RCBTB2: variants seen among roughly 807,000 people sequenced by gnomAD.
The protein encoded by RCBTB2 is RCC1 and BTB domain-containing protein 2.
In RCBTB2, 55 loss-of-function variants were observed where a neutral mutation model predicts 65.4. That is an observed-to-expected ratio of 0.84 (90% CI 0.68 to 1.05). The LOEUF (loss-of-function observed/expected upper bound fraction) is 1.05. Ranked by LOEUF, RCBTB2 falls within the 50% of genes least tolerant of loss-of-function variation. RCBTB2 has a pLI of 0.00. For synonymous variants in RCBTB2, 220 were observed against 255.2 expected, an observed-to-expected ratio of 0.86 and a Z score of 1.31; for missense variants, 599 against 680.1, an observed-to-expected ratio of 0.88 and a Z score of 1.33.
chr13:48,504,267 C>T, intron 10 of RCBTB2: 3 of 985,384 alleles, frequency 3.0e-6, no homozygotes, highest in South Asian at 9.4e-5. Flanking sequence ...ACACCGTTCT[C>T]ATCAGAACTT....
chr13:48,503,001 G>A, intron 10 of RCBTB2, 87 bp from the exon 11 acceptor site: 5 of 1,338,414 alleles, frequency 3.7e-6, no homozygotes, highest in Non-Finnish European at 4.9e-6. Context: ...AACTGATGTG[G>A]GACATCATAA....
intron 10 of RCBTB2, among the ~76,000 whole-genome samples, chr13:48,506,446 T>G (rs911288518): frequency 1.3e-5 from 2 of 152,188 alleles, no homozygotes; most frequent in Admixed American, 1.3e-4. Flanking sequence ...AAGAATAGTC[T>G]GGAAGGCTGG....
chr13:48,491,562 T>C (rs1044061855), intron 14 of RCBTB2: 3 of 151,786 alleles, frequency 2.0e-5, no homozygotes, highest in African/African-American at 7.2e-5. Context: ...AGAAATGACA[T>C]TTTTGCCTAC....
chr13:48,497,105 G>A (rs1017409275), intron 13 of RCBTB2, among the ~76,000 whole-genome samples: 4 of 152,112 alleles, frequency 2.6e-5, no homozygotes, highest in Admixed American at 6.5e-5. Context: ...CCTCTTACTC[G>A]ACATTTACAC....
rs1951477061 is a variant in RCBTB2 at position 48,522,380 on chromosome 13, CAGA to C, written c.-99_-97del. 3 of 1,469,564 alleles carry C rather than the reference CAGA, an allele frequency of 2.0e-6. No homozygotes were observed. Among genetic ancestry groups the C allele is most frequent in the Admixed American group, 4.0e-5 (2 of 50,254 alleles). The allele number at this position is 1,469,564 out of a possible 1,614,324, so 91.0% of individuals were successfully genotyped here. A position where few individuals can be genotyped will look rare whatever the true frequency, so the allele number is the denominator to read the frequency against. On this transcript the variant is annotated 5_prime_UTR_variant, in exon 3 of 15. Coordinates refer to ENST00000344532, the MANE Select transcript of RCBTB2 (RefSeq NM_001268.4). ...GAGCGGACATCAATTCTCAGCTCCA[CAGA>C]AGAATATATGATTTGCTAAGCTGGA...
rs1453972872 is a variant in RCBTB2 at position 48,511,800 on chromosome 13, C to G, written c.753G>C (p.Val251=). 6.2e-7 allele frequency: 1 copy of G among 1,614,184 alleles called. No homozygotes were observed. The change falls in exon 9 of 15, where the codon GTG becomes GTC. Residue 251 remains valine, a synonymous_variant. Coordinates refer to ENST00000344532, the MANE Select transcript of RCBTB2 (RefSeq NM_001268.4). ...GGACACGGATGCCTTGCAAAGCTGC[C>G]ACTCTGCAAGGGGTTGGCTGGTTGC... ...NSGNQPTPCR[V]AALQGIRVQR...
chr13:48,532,932 C>T, intron 1 of RCBTB2, 96 bp downstream of exon 1: 1 of 451,366 alleles, frequency 2.2e-6, no homozygotes, highest in East Asian at 7.1e-5. Flanking sequence ...GCCGCAGGGG[C>T]GGGGAGGGGT....
rs1206912862 is a variant in RCBTB2 at position 48,525,372 on chromosome 13, TGATATATATATATATATATATATA to T, written c.-218-639_-218-616del. ...AATTCAAAAGTGAGCAAAGGATTCATGATATATATATATATATATATATATATATATATATATATATATATATTC... is the reference window on the plus strand; with the variant it reads ...AATTCAAAAGTGAGCAAAGGATTCATTATATATATATATATATATATATTC... On this transcript the variant is annotated intron_variant, in intron 1 of 14. Coordinates refer to ENST00000344532, the MANE Select transcript of RCBTB2 (RefSeq NM_001268.4). 1.9e-4 allele frequency among the ~76,000 whole-genome samples: 13 copies of T among 67,544 alleles called. 1 individual carries two copies. Among genetic ancestry groups the T allele is most frequent in the Admixed American group, 6.1e-4 (3 of 4,932 alleles). The allele number at this position is 67,544 out of a possible 152,430, so 44.3% of individuals were successfully genotyped here.
intron 13 of RCBTB2, 145 bp from the exon 14 acceptor site, chr13:48,496,466 T>C: frequency 6.8e-6 from 5 of 737,892 alleles, no homozygotes; most frequent in Non-Finnish European, 9.7e-6. Context: ...TGACTGACAC[T>C]TACACTTCAG....
intron 10 of RCBTB2, among the ~76,000 whole-genome samples, chr13:48,510,271 G>A (rs940850514): frequency 6.6e-5 from 10 of 152,146 alleles, no homozygotes; most frequent in Non-Finnish European, 1.2e-4. Flanking sequence ...AGGGAAGAGC[G>A]ACCTTGAATG....
chr13:48,513,974 TAAC>T (rs1327748006), intron 6 of RCBTB2, among the ~76,000 whole-genome samples: 1 of 152,208 alleles, frequency 6.6e-6, no homozygotes, highest in East Asian at 1.9e-4. Flanking sequence ...AGTAAGAGAT[TAAC>T]AACAATAACT....
At position 48,511,756 on chromosome 13, in the gene RCBTB2, G is replaced by A; in HGVS notation, c.783+14C>T. The A allele has an allele frequency of 6.2e-7, 1 of 1,605,422 alleles. No individual in the cohort carries two copies. The highest frequency in any genetic ancestry group is 1.1e-5 in the South Asian group (1 of 90,264). On this transcript the variant is annotated intron_variant, in intron 9 of 14. Coordinates refer to ENST00000344532, the MANE Select transcript of RCBTB2 (RefSeq NM_001268.4). The stretch of plus-strand genomic sequence containing the variant: ...ACTTAAAAATACACGCACACAAACT[G>A]ACAGTGGACGTACCCTCTGGACACG...
At chr13:48,515,542 A>G (rs1286469277) in intron 5 of RCBTB2, 44 bp downstream of exon 5, 1 of 1,530,666 alleles carries the variant, frequency 6.5e-7, no homozygotes, top group Non-Finnish European at 8.8e-7. Flanking sequence ...TGGCAAATCC[A>G]TTTCTAAAAA....
intron 1 of RCBTB2, among the ~76,000 whole-genome samples, chr13:48,527,830 G>A (rs1951891673): frequency 6.6e-6 from 1 of 152,140 alleles, no homozygotes; most frequent in Admixed American, 6.5e-5. Context: ...GAAGACTACT[G>A]AACAAGGGGA....
intron 13 of RCBTB2, among the ~76,000 whole-genome samples, chr13:48,496,800 G>GGAGAGGAGGGGAGGA (rs1447533864): frequency 2.4e-5 from 3 of 124,992 alleles, no homozygotes; most frequent in African/African-American, 9.1e-5. Context: ...AGAGGGGAGG[G>GGAGAGGAGGGGAGGA]GAGAGGAGGG....
At position 48,493,342 on chromosome 13, in the gene RCBTB2, T is replaced by TCTCTC. The variant is rs1414517284; in HGVS notation, c.1515+2848_1515+2849insGAGAG. Among the ~76,000 whole-genome samples, 94 of 22,252 alleles carry TCTCTC rather than the reference T, an allele frequency of 4.2e-3. 1 individual carries two copies. Among genetic ancestry groups the TCTCTC allele is most frequent in the Middle Eastern group, 0.045 (1 of 22 alleles). 14.6% of individuals were successfully genotyped at this position (22,252 alleles called of 152,430 possible). ...TCTCTCTCTCTCTCTCTCTCTCTCT[T>TCTCTC]CTCTTCTCTCTCTCACCCTCTCTCT... is the stretch of plus-strand genomic sequence containing the variant. On this transcript the variant is annotated intron_variant, in intron 14 of 14. Transcript: ENST00000344532.
chr13:48,522,421 G>A lies in RCBTB2; in HGVS notation c.-119-18C>T. 1 of 1,044,746 alleles carries A rather than the reference G, an allele frequency of 9.6e-7. No individual in the cohort carries two copies. The highest frequency in any genetic ancestry group is 1.4e-6 in the Non-Finnish European group (1 of 712,342). The allele number at this position is 1,044,746 out of a possible 1,614,324, so 64.7% of individuals were successfully genotyped here. On this transcript the variant is annotated intron_variant, in intron 2 of 14. Transcript: ENST00000344532. ...TTGCTAAGCTGGAAAAAAAAAAGGA[G>A]AAATGAATGAAAATGATGAAAAAAA...
intron 4 of RCBTB2, among the ~76,000 whole-genome samples, chr13:48,516,427 C>A (rs1027195447): frequency 6.6e-6 from 1 of 152,192 alleles, no homozygotes. Context: ...CTCAAGGTAT[C>A]AGCTAGCTAG....
At chr13:48,490,369 G>T in intron 14 of RCBTB2, 118 bp from the exon 15 acceptor site, 1 of 748,696 alleles carries the variant, frequency 1.3e-6, no homozygotes, top group South Asian at 1.7e-5. Context: ...GCAAGTGGAG[G>T]AAATGATGGC....
Sources: allele counts gnomAD v4.1 joint callset (sites outside exome capture counted in the v4.1 genomes callset), GRCh38; gene constraint gnomAD v4.1.1; transcripts MANE v1.5; gene names NCBI Gene and HGNC (gene_info 2026-07-23, HGNC 2026-07-21).